Variants in C8orf34 observed in about 807,000 individuals in gnomAD.
C8orf34 encodes uncharacterized protein C8orf34.
A neutral mutation model predicts 68.3 loss-of-function variants in C8orf34; 65 were observed. That is an observed-to-expected ratio of 0.95 (90% CI 0.78 to 1.17). The LOEUF is 1.17. Ranked by LOEUF, C8orf34 falls within the 50% of genes most tolerant of loss-of-function variation. The pLI, the probability that C8orf34 is intolerant of heterozygous loss-of-function variation, is 0.00. For synonymous variants in C8orf34, 244 were observed against 241.2 expected, an observed-to-expected ratio of 1.01 and a Z score of -0.11; for missense variants, 664 against 655.4, an observed-to-expected ratio of 1.01 and a Z score of -0.14.
rs1415770157 is a variant in C8orf34 at position 68,446,362 on chromosome 8, A to C, written c.509A>C (p.Tyr170Ser). 1 of 1,609,742 alleles carries C rather than the reference A, an allele frequency of 6.2e-7. No individual in the cohort carries two copies. The highest frequency in any genetic ancestry group is 8.5e-7 in the Non-Finnish European group (1 of 1,178,816). Reference protein sequence around the residue: ...SKGTRRDFRSYDKPWQLNAKK... With the variant: ...SKGTRRDFRSSDKPWQLNAKK... ...GGAACAAGAAGGGATTTCAGAAGCT[A>C]TGATAAACCTTGGCAATTAAATGCA... The change falls in exon 3 of 14, where the codon TAT becomes TCT. Residue 170 changes from tyrosine (Y) to serine (S), a missense_variant. Coordinates refer to ENST00000518698, the MANE Select transcript of C8orf34 (RefSeq NM_052958.4).
intron 6 of C8orf34, among the ~76,000 whole-genome samples, chr8:68,526,722 G>C (rs1370642458): frequency 3.4e-5 from 5 of 146,726 alleles, no homozygotes; most frequent in Admixed American, 2.7e-4. Context: ...CAGCCTACAA[G>C]ACTGTGAGGG....
At chr8:68,468,408 T>C (rs1489892698) in intron 3 of C8orf34, among the ~76,000 whole-genome samples, 2 of 152,076 alleles carry the variant, frequency 1.3e-5, no homozygotes, top group African/African-American at 4.8e-5. Context: ...ACTTTGCCTG[T>C]GTGTTTCTCC....
At chr8:68,713,728 T>TC (rs1463945074) in intron 9 of C8orf34, among the ~76,000 whole-genome samples, 1 of 152,022 alleles carries the variant, frequency 6.6e-6, no homozygotes, top group Non-Finnish European at 1.5e-5. Flanking sequence ...ATCAGACAAT[T>TC]CAAAGAAGAA....
At chr8:68,539,957 T>C (rs1194302857) in intron 7 of C8orf34, among the ~76,000 whole-genome samples, 1 of 152,130 alleles carries the variant, frequency 6.6e-6, no homozygotes, top group African/African-American at 2.4e-5. Context: ...TGGCAGCTTT[T>C]ATGAGGTTTT....
At chr8:68,625,334 T>A (rs1818507734) in intron 7 of C8orf34, 1 of 408,294 alleles carries the variant, frequency 2.4e-6, no homozygotes, top group Non-Finnish European at 4.3e-6. Context: ...TTTTCTCTTA[T>A]CACCAAATAC....
intron 7 of C8orf34, among the ~76,000 whole-genome samples, chr8:68,560,127 A>G (rs1816376154): frequency 6.7e-6 from 1 of 148,544 alleles, no homozygotes; most frequent in Non-Finnish European, 1.5e-5. Context: ...TAAGCAAGGG[A>G]GTCACCTGAT....
rs1299343163 is a variant in C8orf34 at position 68,569,589 on chromosome 8, TG to T, written c.1105+36441del. On this transcript the variant is annotated intron_variant, in intron 7 of 13. Transcript: ENST00000518698. ...ACTGCCTGACCTCCCAGCCTAAACA[TG>T]ACTACTGCTTCATATCCTCTTCCCA... Among the ~76,000 whole-genome samples the T allele has an allele frequency of 2.0e-5, 3 of 152,338 alleles. No individual in the cohort carries two copies. The East Asian group carries it at 5.8e-4, about 29-fold the overall frequency.
chr8:68,761,725 T>C (rs574449568), intron 10 of C8orf34, among the ~76,000 whole-genome samples: 9 of 152,314 alleles, frequency 5.9e-5, no homozygotes, highest in Middle Eastern at 3.4e-3. Context: ...AGAAGTCTGC[T>C]GTACCTTTAC....
chr8:68,765,616 C>T (rs139838771), intron 10 of C8orf34, among the ~76,000 whole-genome samples: 8 of 152,234 alleles, frequency 5.3e-5, no homozygotes, highest in South Asian at 2.1e-4. Flanking sequence ...TTTTCTTAGA[C>T]GATTGGTTAT....
At chr8:68,603,546 T>TATCC (rs1817765978) in intron 7 of C8orf34, among the ~76,000 whole-genome samples, 1 of 89,396 alleles carries the variant, frequency 1.1e-5, no homozygotes, top group Admixed American at 1.0e-4. Flanking sequence ...TCTATCTATC[T>TATCC]ATCTATCTAT....
At chr8:68,599,264 T>C (rs1817630064) in intron 7 of C8orf34, among the ~76,000 whole-genome samples, 1 of 152,092 alleles carries the variant, frequency 6.6e-6, no homozygotes, top group Non-Finnish European at 1.5e-5. Flanking sequence ...TGCTTATGAA[T>C]TTGATAAATG....
intron 2 of C8orf34, among the ~76,000 whole-genome samples, chr8:68,445,337 G>C (rs182571381): frequency 1.3e-5 from 2 of 152,258 alleles, no homozygotes; most frequent in East Asian, 3.9e-4. Flanking sequence ...AGACAAGAAG[G>C]CATAAAGAAA....
intron 4 of C8orf34, among the ~76,000 whole-genome samples, chr8:68,481,371 G>A (rs4737911): frequency 0.72 from 109,054 of 152,108 alleles, 40,283 homozygotes; most frequent in African/African-American, 0.89. Flanking sequence ...GGGCAGTGTG[G>A]AAGGGAAATG....
rs558355854 is a variant in C8orf34 at position 68,750,953 on chromosome 8, G to A, written c.1405-25446G>A. Among the ~76,000 whole-genome samples, 13 of 152,154 alleles carry A rather than the reference G, an allele frequency of 8.5e-5. No homozygotes were observed. In the East Asian group the frequency reaches 1.4e-3, roughly 16 times the overall value. On this transcript the variant is annotated intron_variant, in intron 10 of 13. Transcript: ENST00000518698. ...CACAGAGCTCATAAATGCTGAAACC[G>A]GGAGTTAAGAGATATTCTCTTTTAC...
At chr8:68,366,669 TG>T in intron 1 of C8orf34, among the ~76,000 whole-genome samples, 1 of 148,746 alleles carries the variant, frequency 6.7e-6, no homozygotes, top group South Asian at 2.1e-4. Flanking sequence ...ATTTAATAAA[TG>T]GTGCTGGGAA....
chr8:68,671,841 A>G (rs561400423), intron 8 of C8orf34, among the ~76,000 whole-genome samples: 2 of 152,266 alleles, frequency 1.3e-5, no homozygotes, highest in South Asian at 4.1e-4. Flanking sequence ...TTTAACGAAA[A>G]GGGTTTCCTG....
At chr8:68,368,911 C>A (rs1290662445) in intron 1 of C8orf34, among the ~76,000 whole-genome samples, 1 of 152,096 alleles carries the variant, frequency 6.6e-6, no homozygotes, top group East Asian at 1.9e-4. Context: ...AGGGTTCAAA[C>A]TCAATTCTTT....
chr8:68,766,852 ATTAC>A (rs1024413494), intron 10 of C8orf34, among the ~76,000 whole-genome samples: 17 of 152,332 alleles, frequency 1.1e-4, no homozygotes, highest in Middle Eastern at 3.4e-3. Context: ...GTATGGGTTA[ATTAC>A]TTAATATAAT....
intron 1 of C8orf34, among the ~76,000 whole-genome samples, chr8:68,430,456 A>T (rs1810408227): frequency 1.3e-5 from 2 of 152,168 alleles, no homozygotes; most frequent in African/African-American, 4.8e-5. Context: ...CTGCTTACTT[A>T]TAGCCAATTG....
Sources: allele counts gnomAD v4.1 joint callset (sites outside exome capture counted in the v4.1 genomes callset), GRCh38; gene constraint gnomAD v4.1.1; transcripts MANE v1.5; gene names NCBI Gene and HGNC (gene_info 2026-07-23, HGNC 2026-07-21).